Variants in DPP6 observed in about 807,000 individuals in gnomAD.
The protein encoded by DPP6 is dipeptidyl peptidase like 6.
A neutral mutation model predicts 122.6 loss-of-function variants in DPP6; 69 were observed. The ratio of observed to expected loss-of-function variants is 0.56; its 90% CI spans 0.46 to 0.69. The LOEUF is 0.69. DPP6 is among the 30% of genes least tolerant of loss of function. The pLI, the probability that DPP6 is intolerant of heterozygous loss-of-function variation, is 0.00. For missense variants in DPP6, 928 were observed against 1,116.9 expected (o/e 0.83, Z 2.41); for synonymous variants, 418 against 433.1 (o/e 0.97, Z 0.43).
intron 1 of DPP6, among the ~76,000 whole-genome samples, chr7:154,160,625 G>T (rs1406921593): frequency 6.6e-6 from 1 of 152,162 alleles, no homozygotes; most frequent in East Asian, 1.9e-4. Context: ...TGCATGCTGA[G>T]GAGGGGGTGG....
chr7:154,405,774 A>G (rs1263068831), intron 1 of DPP6, among the ~76,000 whole-genome samples: 1 of 152,028 alleles, frequency 6.6e-6, no homozygotes, highest in Non-Finnish European at 1.5e-5. Flanking sequence ...GCTTCCCACA[A>G]CTCTGTTCAT....
At chr7:154,382,247 C>G (rs1006489812) in intron 1 of DPP6, among the ~76,000 whole-genome samples, 2 of 151,870 alleles carry the variant, frequency 1.3e-5, no homozygotes, top group Non-Finnish European at 2.9e-5. Context: ...GAGTGCAGTG[C>G]TGCAATCTTG....
At chr7:154,504,653 A>G (rs1412545499) in intron 3 of DPP6, among the ~76,000 whole-genome samples, 1 of 152,192 alleles carries the variant, frequency 6.6e-6, no homozygotes, top group African/African-American at 2.4e-5. Flanking sequence ...AAAGCTCAAT[A>G]CCATATTCCT....
chr7:153,769,111 T>C, the DPP6 span, among the ~76,000 whole-genome samples: 3 of 152,206 alleles, frequency 2.0e-5, no homozygotes, highest in Non-Finnish European at 2.9e-5. Context: ...TTTTCATAGG[T>C]TGGTCTTGTA....
At chr7:154,712,383 G>A (rs1023635856) in intron 7 of DPP6, among the ~76,000 whole-genome samples, 1 of 152,150 alleles carries the variant, frequency 6.6e-6, no homozygotes, top group Non-Finnish European at 1.5e-5. Flanking sequence ...GACTGAAATT[G>A]AAAAGATCTC....
intron 17 of DPP6, among the ~76,000 whole-genome samples, chr7:154,865,941 A>G (rs979905038): frequency 1.3e-5 from 2 of 152,218 alleles, no homozygotes; most frequent in Non-Finnish European, 2.9e-5. Context: ...CGTCTCTGGG[A>G]TAGGACTGAA....
At chr7:154,363,102 G>GC (rs1811871618) in intron 1 of DPP6, among the ~76,000 whole-genome samples, 1 of 152,154 alleles carries the variant, frequency 6.6e-6, no homozygotes, top group Non-Finnish European at 1.5e-5. Context: ...GCCAGTGAGG[G>GC]TTTCCAAAGC....
intron 16 of DPP6, among the ~76,000 whole-genome samples, chr7:154,837,207 C>A (rs534196899): frequency 2.6e-4 from 39 of 149,576 alleles, no homozygotes; most frequent in African/African-American, 8.1e-4. Context: ...CGCACATTCA[C>A]ACATGCACAC....
rs139278907 is a variant in DPP6 at position 154,252,750 on chromosome 7, A to G, written c.244-193464A>G. On this transcript the variant is annotated intron_variant, in intron 1 of 25. Coordinates refer to ENST00000377770, the MANE Select transcript of DPP6 (RefSeq NM_130797.4). Reference sequence around the variant, plus strand: ...GGAAAAGTAAGACTAACAAATCTAGAATAAAAGTGAATTGTCTTTGCCAAT... The same window carrying G: ...GGAAAAGTAAGACTAACAAATCTAGGATAAAAGTGAATTGTCTTTGCCAAT... 3.9e-5 allele frequency among the ~76,000 whole-genome samples: 6 copies of G among 152,340 alleles called. No homozygotes were observed. In the East Asian group the frequency reaches 1.2e-3, roughly 29 times the overall value.
chr7:153,782,009 C>CACAT, the DPP6 span, among the ~76,000 whole-genome samples: 2 of 127,832 alleles, frequency 1.6e-5, no homozygotes, highest in East Asian at 2.0e-4. Flanking sequence ...CACACACACA[C>CACAT]GCCTGACATT....
intron 1 of DPP6, among the ~76,000 whole-genome samples, chr7:153,963,632 C>T (rs1239770595): frequency 3.3e-5 from 5 of 152,036 alleles, no homozygotes; most frequent in Non-Finnish European, 5.9e-5. Flanking sequence ...AGCCCCACCT[C>T]CTGTCAGATC....
intron 1 of DPP6, among the ~76,000 whole-genome samples, chr7:154,032,312 T>C (rs926458170): frequency 1.3e-5 from 2 of 152,152 alleles, no homozygotes; most frequent in Non-Finnish European, 2.9e-5. Flanking sequence ...GCACCGAGTG[T>C]TGCTGAGAAA....
At chr7:153,973,706 G>T (rs969974884) in intron 1 of DPP6, among the ~76,000 whole-genome samples, 2,174 of 145,586 alleles carry the variant, frequency 0.015, 57 homozygotes, top group African/African-American at 0.051. Context: ...GTCTCTTCTC[G>T]TATTGCTCCA....
chr7:154,119,981 C>T (rs1807312861), intron 1 of DPP6, among the ~76,000 whole-genome samples: 1 of 151,762 alleles, frequency 6.6e-6, no homozygotes, highest in East Asian at 2.0e-4. Context: ...CCAGGGCCAC[C>T]ATGCGATGCT....
chr7:153,868,712 C>G, the DPP6 span, among the ~76,000 whole-genome samples: 1 of 152,096 alleles, frequency 6.6e-6, no homozygotes, highest in Admixed American at 6.5e-5. Flanking sequence ...TGTGTATGCT[C>G]TTGCTTCTCT....
intron 7 of DPP6, among the ~76,000 whole-genome samples, chr7:154,721,131 C>G (rs1841781886): frequency 6.6e-6 from 1 of 152,236 alleles, no homozygotes. Context: ...TGTTTATGGT[C>G]TGGTGCATTT....
chr7:153,857,280 T>C, the DPP6 span, among the ~76,000 whole-genome samples: 1 of 149,830 alleles, frequency 6.7e-6, no homozygotes, highest in Admixed American at 6.7e-5. Context: ...GCCATAACCC[T>C]AATCTATACT....
At chr7:154,827,793 G>C (rs1226522683) in intron 16 of DPP6, among the ~76,000 whole-genome samples, 1 of 150,162 alleles carries the variant, frequency 6.7e-6, no homozygotes, top group African/African-American at 2.5e-5. Context: ...GATGTCCTGT[G>C]GGGGGGTGTC....
chr7:153,918,466 A>ACACACACACTCT (rs1379555083), intron 1 of DPP6, among the ~76,000 whole-genome samples: 4 of 95,952 alleles, frequency 4.2e-5, no homozygotes, highest in African/African-American at 1.5e-4. Context: ...ACACACACAC[A>ACACACACACTCT]CTCTCTCTCT....
Sources: allele counts gnomAD v4.1 joint callset (sites outside exome capture counted in the v4.1 genomes callset), GRCh38; gene constraint gnomAD v4.1.1; transcripts MANE v1.5; gene names NCBI Gene and HGNC (gene_info 2026-07-23, HGNC 2026-07-21).